Variants in GXYLT2 observed in about 807,000 individuals in gnomAD.
The protein encoded by GXYLT2 is glucoside xylosyltransferase 2, also known as glycosyltransferase 8 domain containing 4.
GXYLT2 carries 53 observed loss-of-function variants against 45.8 expected under a neutral mutation model. The ratio of observed to expected loss-of-function variants is 1.16; its 90% CI spans 0.93 to 1.46. The LOEUF (loss-of-function observed/expected upper bound fraction) is 1.46. Among genes scored for constraint, GXYLT2 ranks in the 40% most tolerant of loss-of-function variants. GXYLT2 has a pLI of 0.00. For missense variants in GXYLT2, 551 were observed against 544.4 expected, an observed-to-expected ratio of 1.01 and a Z score of -0.12; for synonymous variants, 219 against 214.2, an observed-to-expected ratio of 1.02 and a Z score of -0.19.
chr3:72,925,156 C>CTTTTTTTT (rs368190344), intron 3 of GXYLT2, among the ~76,000 whole-genome samples: 3 of 148,566 alleles, frequency 2.0e-5, no homozygotes, highest in African/African-American at 7.7e-5. Flanking sequence ...TTTTCTTTTT[C>CTTTTTTTT]TTTCTTTTTT....
At position 72,959,712 on chromosome 3, in the gene GXYLT2, G is replaced by A. The variant is rs139821888; in HGVS notation, c.976+2360G>A. On this transcript the variant is annotated intron_variant, in intron 5 of 6. Transcript: ENST00000389617. ...TGCAATGGCACCATCTCGTCTGACT[G>A]CAATCTCTGCCCCCCAGGTTCAAGC... 4.6e-3 allele frequency among the ~76,000 whole-genome samples: 705 copies of A among 151,746 alleles called. 7 individuals are homozygous for A. The highest frequency in any genetic ancestry group is 0.016 in the African/African-American group (648 of 41,336).
intron 3 of GXYLT2, among the ~76,000 whole-genome samples, chr3:72,945,484 G>A (rs1272919485): frequency 6.6e-6 from 1 of 152,114 alleles, no homozygotes; most frequent in Non-Finnish European, 1.5e-5. Context: ...CTAGTTAGAG[G>A]AGGCAAGCAA....
At chr3:72,964,659 A>G (rs1710831797) in intron 5 of GXYLT2, among the ~76,000 whole-genome samples, 1 of 152,214 alleles carries the variant, frequency 6.6e-6, no homozygotes, top group Non-Finnish European at 1.5e-5. Flanking sequence ...AACTACTTGG[A>G]AAGAGGCAAA....
At chr3:72,898,992 A>G (rs1164071570) in intron 1 of GXYLT2, among the ~76,000 whole-genome samples, 1 of 151,130 alleles carries the variant, frequency 6.6e-6, no homozygotes. Flanking sequence ...TGGCCTCCCA[A>G]AGTGCTGGGA....
chr3:72,972,881 G>A (rs9862032), intron 6 of GXYLT2, among the ~76,000 whole-genome samples: 101,985 of 151,506 alleles, frequency 0.67, 34,636 homozygotes, highest in Admixed American at 0.75. Flanking sequence ...AGGCTACAGT[G>A]AGCTAGGATG....
intron 3 of GXYLT2, among the ~76,000 whole-genome samples, chr3:72,953,901 C>G (rs1425570083): frequency 6.6e-6 from 1 of 151,884 alleles, no homozygotes; most frequent in Admixed American, 6.6e-5. Flanking sequence ...TAAGACCAGC[C>G]CAGACAACAT....
rs767225416 is a variant in GXYLT2 at position 72,955,458 on chromosome 3, G to A, written c.852+109G>A. 195 of 968,094 alleles carry A rather than the reference G, an allele frequency of 2.0e-4. 1 individual carries two copies. The highest frequency in any genetic ancestry group is 4.9e-4 in the Admixed American group (19 of 38,798). The allele number at this position is 968,094 out of a possible 1,614,324, so 60.0% of individuals were successfully genotyped here. On this transcript the variant is annotated intron_variant, in intron 4 of 6. Coordinates refer to ENST00000389617, the MANE Select transcript of GXYLT2 (RefSeq NM_001080393.2). ...GATTTTGGAAATTGGGTGGCCTATAGGTGAGGATAAAAGGAACCAGAGAAA... is the reference window on the plus strand; with the variant it reads ...GATTTTGGAAATTGGGTGGCCTATAAGTGAGGATAAAAGGAACCAGAGAAA...
In GXYLT2 at chr3:72,907,179, T is replaced by C. The variant is rs1407003532; in HGVS notation, c.276-1188T>C. ...CTGTCTTTTCCTGTGATCCCCGAAGTAAATGGAATCCAAGTAACTCTCCGC... is the reference window on the plus strand; with the variant it reads ...CTGTCTTTTCCTGTGATCCCCGAAGCAAATGGAATCCAAGTAACTCTCCGC... On this transcript the variant is annotated intron_variant, in intron 1 of 6. Coordinates refer to ENST00000389617, the MANE Select transcript of GXYLT2 (RefSeq NM_001080393.2). Among the ~76,000 whole-genome samples the C allele has an allele frequency of 2.0e-5, 3 of 152,132 alleles. No homozygotes were observed. In the East Asian group the frequency reaches 5.8e-4, roughly 29 times the overall value.
intron 3 of GXYLT2, among the ~76,000 whole-genome samples, chr3:72,951,794 T>G (rs938104971): frequency 6.6e-6 from 1 of 152,030 alleles, no homozygotes; most frequent in Non-Finnish European, 1.5e-5. Flanking sequence ...TCAAATTCTG[T>G]TTTTTTGTTT....
chr3:72,938,779 C>T (rs1710240308), intron 3 of GXYLT2, among the ~76,000 whole-genome samples: 1 of 152,200 alleles, frequency 6.6e-6, no homozygotes, highest in Non-Finnish European at 1.5e-5. Flanking sequence ...GCATGCAGTT[C>T]TAACAGTTGG....
intron 5 of GXYLT2, among the ~76,000 whole-genome samples, chr3:72,965,135 A>G (rs7648019): frequency 0.4 from 60,280 of 152,048 alleles, 14,870 homozygotes; most frequent in Non-Finnish European, 0.55. Context: ...AGGGAATGTC[A>G]TGGTGGAATG....
intron 2 of GXYLT2, among the ~76,000 whole-genome samples, chr3:72,912,011 A>ATTTTTTTTT (rs1235800748): frequency 3.5e-5 from 4 of 115,568 alleles, no homozygotes; most frequent in African/African-American, 1.8e-4. Flanking sequence ...ATATATATAT[A>ATTTTTTTTT]TATTTTTTTT....
chr3:72,910,134 A>G (rs1709589893), intron 2 of GXYLT2, among the ~76,000 whole-genome samples: 1 of 152,174 alleles, frequency 6.6e-6, no homozygotes, highest in Admixed American at 6.5e-5. Flanking sequence ...GGAAATGATA[A>G]TGAGAATATA....
intron 3 of GXYLT2, among the ~76,000 whole-genome samples, chr3:72,950,944 A>G (rs1339772439): frequency 6.6e-6 from 1 of 152,178 alleles, no homozygotes; most frequent in Non-Finnish European, 1.5e-5. Context: ...CATTATAGCC[A>G]GCAGCATCGG....
intron 1 of GXYLT2, among the ~76,000 whole-genome samples, chr3:72,907,243 A>G (rs1240231699): frequency 6.6e-6 from 1 of 152,208 alleles, no homozygotes; most frequent in East Asian, 1.9e-4. Context: ...TGCTTCTACT[A>G]AGCATGCTCA....
chr3:72,912,011 A>T lies in GXYLT2; in HGVS notation c.468+3452A>T, dbSNP rs111630133. 8.4e-3 allele frequency among the ~76,000 whole-genome samples: 967 copies of T among 115,396 alleles called. 15 individuals are homozygous for T. Among genetic ancestry groups the T allele is most frequent in the African/African-American group, 0.034 (777 of 22,536 alleles). 75.7% of individuals were successfully genotyped at this position (115,396 alleles called of 152,430 possible). The stretch of plus-strand genomic sequence containing the variant: ...TGTGTGTGTATATATATATATATAT[A>T]TATTTTTTTTTTTTTTTGAGACAGC... On this transcript the variant is annotated intron_variant, in intron 2 of 6. Coordinates refer to ENST00000389617, the MANE Select transcript of GXYLT2 (RefSeq NM_001080393.2).
At chr3:72,918,160 A>G in intron 2 of GXYLT2, among the ~76,000 whole-genome samples, 1 of 152,214 alleles carries the variant, frequency 6.6e-6, no homozygotes, top group East Asian at 1.9e-4. Context: ...ACTTATGGGC[A>G]CTGAGATTTG....
intron 4 of GXYLT2, among the ~76,000 whole-genome samples, chr3:72,957,005 A>G (rs781440420): frequency 6.8e-6 from 1 of 147,742 alleles, no homozygotes; most frequent in Non-Finnish European, 1.5e-5. Context: ...CATAGGTTCA[A>G]CTTTCAGTCC....
chr3:72,943,586 A>T (rs1347934578), intron 3 of GXYLT2, among the ~76,000 whole-genome samples: 1 of 152,114 alleles, frequency 6.6e-6, no homozygotes, highest in Non-Finnish European at 1.5e-5. Context: ...CATGTTGCCC[A>T]GGCTGGTCTG....
Sources: allele counts gnomAD v4.1 joint callset (sites outside exome capture counted in the v4.1 genomes callset), GRCh38; gene constraint gnomAD v4.1.1; transcripts MANE v1.5; gene names NCBI Gene and HGNC (gene_info 2026-07-23, HGNC 2026-07-21).